The following RPS6KA2 variants were observed in gnomAD, a reference collection of about 807,000 sequenced individuals.
RPS6KA2 encodes the protein ribosomal protein S6 kinase A2.
Under a neutral mutation model 91.8 loss-of-function variants are expected in RPS6KA2, and 42 were observed. The observed-to-expected ratio is 0.46, with a 90% CI of 0.36 to 0.59. The LOEUF is 0.59. RPS6KA2 is among the 20% of genes least tolerant of loss of function. The probability of loss-of-function intolerance (pLI) is 0.00; values close to 1 mark genes in which losing one functional copy is unlikely to be tolerated. For synonymous variants in RPS6KA2, 414 were observed against 393.6 expected (o/e 1.05, Z -0.61); for missense variants, 798 against 978.5 (o/e 0.82, Z 2.46).
chr6:166,609,710 G>A lies in RPS6KA2; in HGVS notation c.99+17211C>T, dbSNP rs1016902469. ...AGACGGGGCTTCACCATGTTGGTCA[G>A]GCTGGTCTCGAACTCCTGACCTCAG... On this transcript the variant is annotated intron_variant, in intron 1 of 20. Transcript: ENST00000265678. Among the ~76,000 whole-genome samples the A allele has an allele frequency of 1.2e-4, 19 of 152,176 alleles. No homozygotes were observed. In the East Asian group the frequency reaches 3.5e-3, roughly 28 times the overall value.
chr6:166,486,499 CTCTG>C (rs1300998576), intron 10 of RPS6KA2, among the ~76,000 whole-genome samples: 1 of 152,264 alleles, frequency 6.6e-6, no homozygotes, highest in Non-Finnish European at 1.5e-5. Context: ...AGGAAGCTGC[CTCTG>C]TCTGGGTGAC....
intron 11 of RPS6KA2, among the ~76,000 whole-genome samples, chr6:166,465,769 A>T (rs774684867): frequency 2.0e-5 from 3 of 152,206 alleles, no homozygotes; most frequent in Non-Finnish European, 4.4e-5. Context: ...ATGGGACAGC[A>T]GACTCCTCAG....
chr6:166,821,837 C>T lies in RPS6KA2; in HGVS notation c.123+36363G>A, dbSNP rs1290613828. Among the ~76,000 whole-genome samples, 2 of 152,178 alleles carry T rather than the reference C, an allele frequency of 1.3e-5. No homozygotes were observed. The highest frequency in any genetic ancestry group is 4.8e-5 in the African/African-American group (2 of 41,430). On this transcript the variant is annotated intron_variant, in intron 2 of 21. Transcript: ENST00000503859. The surrounding 1 kb of genome is among the most constrained non-coding windows in gnomAD (Gnocchi z 4.1). ...CTATTCACAGGCATACTGAAGTTAA[C>T]GTTGTTGTGTTGGATTCCCCACTCA...
At position 166,547,632 on chromosome 6, in the gene RPS6KA2, C is replaced by T. The variant is rs558278705; in HGVS notation, c.100-8848G>A. Among the ~76,000 whole-genome samples, 166 of 152,358 alleles carry T rather than the reference C, an allele frequency of 1.1e-3. 1 individual carries two copies. The highest frequency in any genetic ancestry group is 3.8e-3 in the African/African-American group (156 of 41,584). ...GCCATTCCGGCAGGCAGAGTGATGGCGGCAGCCGCTTAACCCATGGCACGT... is the reference window on the plus strand; with the variant it reads ...GCCATTCCGGCAGGCAGAGTGATGGTGGCAGCCGCTTAACCCATGGCACGT... On this transcript the variant is annotated intron_variant, in intron 1 of 20. Transcript: ENST00000265678.
intron 1 of RPS6KA2, among the ~76,000 whole-genome samples, chr6:166,573,121 G>T (rs1784739573): frequency 1.3e-5 from 2 of 152,224 alleles, no homozygotes; most frequent in South Asian, 4.1e-4. Context: ...TGCAGGGAGG[G>T]CAGGAGGGTG....
In RPS6KA2 at chr6:166,626,178, A is replaced by G. The variant is rs113301607; in HGVS notation, c.99+743T>C. ...CAATGTGATTTGGACACTGGGAATA[A>G]GAGAATAAGATTTGATGGTTGAAAT... On this transcript the variant is annotated intron_variant, in intron 1 of 20. Transcript: ENST00000265678. The surrounding 1 kb of genome is among the most constrained non-coding windows in gnomAD (Gnocchi z 4.1). Among the ~76,000 whole-genome samples the G allele has an allele frequency of 6.1e-3, 924 of 152,342 alleles. 17 individuals are homozygous for G. Among genetic ancestry groups the G allele is most frequent in the South Asian group, 0.058 (282 of 4,830 alleles).
chr6:166,628,547 A>G (rs1330451191), upstream of RPS6KA2, among the ~76,000 whole-genome samples: 1 of 152,246 alleles, frequency 6.6e-6, no homozygotes, highest in East Asian at 1.9e-4. Flanking sequence ...GTCCTTAAAT[A>G]AGAGCTTTAA....
At chr6:166,624,643 C>A (rs1786769942) in intron 1 of RPS6KA2, among the ~76,000 whole-genome samples, 1 of 152,144 alleles carries the variant, frequency 6.6e-6, no homozygotes, top group Non-Finnish European at 1.5e-5. Flanking sequence ...AAGACCAGCC[C>A]AAGACCCGGT....
At chr6:166,458,648 A>C (rs1449146003) in intron 12 of RPS6KA2, among the ~76,000 whole-genome samples, 1 of 152,326 alleles carries the variant, frequency 6.6e-6, no homozygotes, top group South Asian at 2.1e-4. Flanking sequence ...GTCTTTGCAC[A>C]CACAGAAGAA....
At chr6:166,502,246 C>T (rs1782053285) in intron 6 of RPS6KA2, among the ~76,000 whole-genome samples, 1 of 152,032 alleles carries the variant, frequency 6.6e-6, no homozygotes, top group African/African-American at 2.4e-5. Flanking sequence ...AAATCTGCCA[C>T]AGAGTTAAAA....
In RPS6KA2 at chr6:166,837,553, C is replaced by T. The variant is rs534399448; in HGVS notation, c.123+20647G>A. Among the ~76,000 whole-genome samples, 5 of 152,358 alleles carry T rather than the reference C, an allele frequency of 3.3e-5. No individual in the cohort carries two copies. The South Asian group carries it at 1.0e-3, about 32-fold the overall frequency. ...CCTGCCTAGCCCCCAGTCCCCTCCC[C>T]CTGCGAGAAGGCTGCAGAGGACACT... On this transcript the variant is annotated intron_variant, in intron 2 of 21. Coordinates refer to the RPS6KA2 transcript ENST00000503859.
chr6:166,425,317 G>A (rs575064294), intron 16 of RPS6KA2, among the ~76,000 whole-genome samples: 1 of 151,370 alleles, frequency 6.6e-6, no homozygotes, highest in East Asian at 1.9e-4. Flanking sequence ...ACATGGAAAG[G>A]AACAACAGGT....
At chr6:166,750,901 G>A (rs754346040) in intron 2 of RPS6KA2, among the ~76,000 whole-genome samples, 8 of 152,214 alleles carry the variant, frequency 5.3e-5, no homozygotes, top group African/African-American at 7.2e-5. Context: ...CTCTTGCTGC[G>A]TAGACTGTGA....
chr6:166,836,598 C>T (rs918534128), intron 2 of RPS6KA2, among the ~76,000 whole-genome samples: 1 of 152,162 alleles, frequency 6.6e-6, no homozygotes, highest in African/African-American at 2.4e-5. Context: ...TTATCTTCAT[C>T]GCTTTCCCCT....
intron 2 of RPS6KA2, among the ~76,000 whole-genome samples, chr6:166,768,178 C>T (rs904120963): frequency 6.6e-6 from 1 of 152,190 alleles, no homozygotes. Context: ...AGGGCCTCAG[C>T]GGGCAGCAGT....
intron 2 of RPS6KA2, among the ~76,000 whole-genome samples, chr6:166,670,192 G>C (rs1788432219): frequency 6.6e-6 from 1 of 152,260 alleles, no homozygotes; most frequent in Admixed American, 6.5e-5. Flanking sequence ...GTAATAGGGA[G>C]TGGAAAATCA....
intron 2 of RPS6KA2, among the ~76,000 whole-genome samples, chr6:166,535,270 TTCTC>T (rs1341275975): frequency 1.3e-5 from 2 of 152,158 alleles, no homozygotes; most frequent in Admixed American, 1.3e-4. Flanking sequence ...GATCTGCTGA[TTCTC>T]TCAGCAGAAT....
intron 2 of RPS6KA2, among the ~76,000 whole-genome samples, chr6:166,669,428 G>T (rs1279425755): frequency 6.6e-6 from 1 of 152,200 alleles, no homozygotes; most frequent in Non-Finnish European, 1.5e-5. Flanking sequence ...CACACTGTCT[G>T]ATCCCAAATT....
chr6:166,586,082 CAG>C, intron 1 of RPS6KA2: 1 of 1,105,716 alleles, frequency 9.0e-7, no homozygotes, highest in Non-Finnish European at 1.2e-6. Context: ...CTCATGGTAA[CAG>C]AGTAAATGCT....
Sources: allele counts gnomAD v4.1 joint callset (sites outside exome capture counted in the v4.1 genomes callset), GRCh38; gene constraint gnomAD v4.1.1; non-coding constraint Gnocchi (gnomAD v3.1); transcripts MANE v1.5; gene names NCBI Gene and HGNC (gene_info 2026-07-23, HGNC 2026-07-21).